Variants in MYO10 observed in about 807,000 individuals in gnomAD.
MYO10 encodes the protein unconventional myosin-X.
In MYO10, 133 loss-of-function variants were observed where a neutral mutation model predicts 257.3. The observed-to-expected ratio is 0.52, with a 90% CI of 0.45 to 0.60. The LOEUF (loss-of-function observed/expected upper bound fraction) is 0.60, where lower values mean the gene tolerates loss of function less well. MYO10 is among the 20% of genes least tolerant of loss of function. MYO10 has a pLI of 0.00. For missense variants in MYO10, 2,399 were observed against 2,635.7 expected, an observed-to-expected ratio of 0.91 and a Z score of 1.97; for synonymous variants, 1,104 against 1,028.6, an observed-to-expected ratio of 1.07 and a Z score of -1.40.
intron 9 of MYO10, among the ~76,000 whole-genome samples, chr5:16,772,549 C>A (rs1741086527): frequency 6.6e-6 from 1 of 152,132 alleles, no homozygotes; most frequent in Non-Finnish European, 1.5e-5. Context: ...TTTTAAAATG[C>A]AGTCTGGGAA....
chr5:16,847,596 G>A (rs1288264028), intron 2 of MYO10, among the ~76,000 whole-genome samples: 1 of 152,020 alleles, frequency 6.6e-6, no homozygotes, highest in Middle Eastern at 3.2e-3. Flanking sequence ...CAGGCATGGT[G>A]GTGCACAACT....
intron 19 of MYO10, among the ~76,000 whole-genome samples, chr5:16,753,086 T>C (rs73756210): frequency 0.024 from 3,720 of 152,312 alleles, 172 homozygotes; most frequent in African/African-American, 0.084. Context: ...GAACAGGTTA[T>C]TTTCTCTTAA....
chr5:16,856,949 A>G (rs1743976317), intron 2 of MYO10, among the ~76,000 whole-genome samples: 1 of 152,264 alleles, frequency 6.6e-6, no homozygotes, highest in African/African-American at 2.4e-5. Context: ...GCATTTAAAT[A>G]GGAATCGAGC....
intron 20 of MYO10, 27 bp from the exon 21 acceptor site, chr5:16,711,049 C>T (rs776688534): frequency 1.2e-6 from 2 of 1,613,568 alleles, no homozygotes; most frequent in African/African-American, 1.3e-5. Flanking sequence ...CACAGGGTCA[C>T]CTTCTGCGAT....
intron 2 of MYO10, among the ~76,000 whole-genome samples, chr5:16,850,864 T>C (rs151144600): frequency 0.048 from 7,251 of 151,924 alleles, 600 homozygotes; most frequent in African/African-American, 0.17. Context: ...TGCAGTTGCA[T>C]GATCTCAGCT....
chr5:16,676,047 C>A lies in MYO10; in HGVS notation c.4650G>T (p.Gly1550=). 1 of 1,608,226 alleles carries A rather than the reference C, an allele frequency of 6.2e-7. No homozygotes were observed. The highest frequency in any genetic ancestry group is 1.1e-5 in the South Asian group (1 of 90,034). ...TGGACTTACAGTTGAGATTTATGTC[C>A]CCATACGGAAGGGGCAGGAGCGGGG... ...LHSPLLPLPY[G]DINLNLLKDK... Residue 1550 remains glycine, a synonymous_variant, in exon 34 of 41, where the codon GGG becomes GGT. Coordinates refer to ENST00000513610, the MANE Select transcript of MYO10 (RefSeq NM_012334.3).
In MYO10 at chr5:16,851,607, T is replaced by C. The variant is rs551348768; in HGVS notation, c.120+26002A>G. On this transcript the variant is annotated intron_variant, in intron 2 of 40. Transcript: ENST00000513610. ...CCCAGGTCATAATGTGAGCTCACTG[T>C]CCTTTTGAGGATGAAGGATGTGAAA... 4.5e-4 allele frequency among the ~76,000 whole-genome samples: 68 copies of C among 152,312 alleles called. 1 individual carries two copies. The highest frequency in any genetic ancestry group is 1.6e-3 in the African/African-American group (68 of 41,564).
intron 3 of MYO10, among the ~76,000 whole-genome samples, chr5:16,808,729 T>C (rs1200424918): frequency 2.0e-5 from 3 of 152,212 alleles, no homozygotes; most frequent in Non-Finnish European, 2.9e-5. Context: ...TGGAGTGCAG[T>C]GGCACAATCT....
chr5:16,850,195 G>A (rs889028210), intron 2 of MYO10, among the ~76,000 whole-genome samples: 7 of 152,144 alleles, frequency 4.6e-5, no homozygotes, highest in East Asian at 1.9e-4. Flanking sequence ...TGGCACCATC[G>A]ATTCATTCTG....
chr5:16,677,651 G>A (rs1360482048), intron 33 of MYO10, among the ~76,000 whole-genome samples: 2 of 151,898 alleles, frequency 1.3e-5, no homozygotes, highest in East Asian at 3.9e-4. Flanking sequence ...TCCTGATTTC[G>A]TGACCCGCCT....
chr5:16,886,344 A>G (rs1373182606), intron 1 of MYO10, among the ~76,000 whole-genome samples: 1 of 152,186 alleles, frequency 6.6e-6, no homozygotes, highest in Non-Finnish European at 1.5e-5. Flanking sequence ...TTTGGGCTGG[A>G]GAACAATTAT....
chr5:16,738,702 C>A (rs1423695555), intron 19 of MYO10, among the ~76,000 whole-genome samples: 2 of 151,902 alleles, frequency 1.3e-5, no homozygotes, highest in African/African-American at 2.4e-5. Flanking sequence ...ACCAGCCTGG[C>A]CAACATGGTG....
intron 2 of MYO10, among the ~76,000 whole-genome samples, chr5:16,860,675 A>G (rs979477386): frequency 6.6e-6 from 1 of 152,130 alleles, no homozygotes; most frequent in Admixed American, 6.5e-5. Context: ...TGGGAAAATC[A>G]AGAGTAAGCA....
chr5:16,855,361 G>T (rs1743931545), intron 2 of MYO10, among the ~76,000 whole-genome samples: 1 of 152,078 alleles, frequency 6.6e-6, no homozygotes, highest in African/African-American at 2.4e-5. Flanking sequence ...ACACTCGCTG[G>T]TGCTACCTCC....
chr5:16,694,371 T>A lies in MYO10; in HGVS notation c.3800A>T (p.Lys1267Ile). 1 of 1,614,016 alleles carries A rather than the reference T, an allele frequency of 6.2e-7. No individual in the cohort carries two copies. The highest frequency in any genetic ancestry group is 8.5e-7 in the Non-Finnish European group (1 of 1,179,874). Residue 1267 changes from lysine to isoleucine, a missense_variant and splice_region_variant, in exon 27 of 41, where the codon AAA becomes ATA. Physicochemically the swap from Lys to Ile is moderately radical, Grantham distance 102. This residue lies in a region of MYO10 where 1,820 missense variants were observed against 1,939.4 expected (regional missense o/e 0.94). Transcript: ENST00000513610. The part of the protein sequence containing the change: ...LKGTVEVRTA[K>I]EIIDNTTKEN... ...GCCACAGCCAGGCTTAGCAACCTAC[T>A]TTGCCGTTCGCACTTCTACGGTGCC...
chr5:16,882,957 C>G (rs995940875), intron 1 of MYO10, among the ~76,000 whole-genome samples: 7 of 142,740 alleles, frequency 4.9e-5, no homozygotes, highest in Non-Finnish European at 4.5e-5. Flanking sequence ...ACTCTGTCAC[C>G]CAGGCTGGAA....
intron 3 of MYO10, among the ~76,000 whole-genome samples, chr5:16,799,930 G>T (rs1742073689): frequency 6.6e-6 from 1 of 152,108 alleles, no homozygotes; most frequent in South Asian, 2.1e-4. Flanking sequence ...CCGAGTCCCT[G>T]CCACCCCACA....
At chr5:16,860,967 G>A (rs1462839904) in intron 2 of MYO10, among the ~76,000 whole-genome samples, 2 of 152,126 alleles carry the variant, frequency 1.3e-5, no homozygotes, top group Non-Finnish European at 2.9e-5. Context: ...ATTTTGATAC[G>A]ATGGCCATTT....
chr5:16,702,522 A>G (rs1738127821), intron 24 of MYO10, 21 bp downstream of exon 24: 1 of 1,584,584 alleles, frequency 6.3e-7, no homozygotes, highest in Admixed American at 1.8e-5. Flanking sequence ...CAAGAGGCTA[A>G]GTTGTCACTG....
Sources: allele counts gnomAD v4.1 joint callset (sites outside exome capture counted in the v4.1 genomes callset), GRCh38; gene constraint gnomAD v4.1.1; regional missense constraint gnomAD v4.1.1; transcripts MANE v1.5; gene names NCBI Gene and HGNC (gene_info 2026-07-23, HGNC 2026-07-21).